PASD1: variants seen among roughly 807,000 people sequenced by gnomAD.
The protein encoded by PASD1 is PAS domain containing repressor 1.
A neutral mutation model predicts 58.8 loss-of-function variants in PASD1; 13 were observed. That is an observed-to-expected ratio of 0.22 (90% CI 0.14 to 0.35). The LOEUF is 0.35. Ranked by LOEUF, PASD1 falls within the 10% of genes least tolerant of loss-of-function variation. The probability of loss-of-function intolerance (pLI) is 1.00; values close to 1 mark genes in which losing one functional copy is unlikely to be tolerated. For synonymous variants in PASD1, 236 were observed against 216.7 expected (o/e 1.09, Z -0.78); for missense variants, 734 against 568.3 (o/e 1.29, Z -2.96).
chrX:151,652,983 T>G (rs1475109080), intron 9 of PASD1, among the ~76,000 whole-genome samples: 7 of 110,018 alleles, frequency 6.4e-5, no homozygotes, highest in Non-Finnish European at 1.3e-4. Context: ...AAGAATGGCA[T>G]GACCTGACTT....
chrX:151,645,009 T>C (rs998888425), intron 8 of PASD1, among the ~76,000 whole-genome samples: 3 of 111,131 alleles, frequency 2.7e-5, no homozygotes, highest in Non-Finnish European at 5.7e-5. Context: ...GCTGCTAGTA[T>C]CTAGTTATCA....
intron 8 of PASD1, among the ~76,000 whole-genome samples, chrX:151,628,299 G>A (rs2124277405): frequency 8.9e-6 from 1 of 111,968 alleles, no homozygotes; most frequent in South Asian, 3.7e-4. Flanking sequence ...GTCCTGAATG[G>A]TATTGTCTAG....
At chrX:151,673,090 G>A in intron 14 of PASD1, 1 of 140,793 alleles carries the variant, frequency 7.1e-6, no homozygotes, top group Non-Finnish European at 1.4e-5. Flanking sequence ...GCCAAGTGCA[G>A]GTATCTCCCT....
At chrX:151,598,370 GT>G (rs1370135442) in intron 1 of PASD1, among the ~76,000 whole-genome samples, 1 of 110,944 alleles carries the variant, frequency 9.0e-6, no homozygotes, top group Non-Finnish European at 1.9e-5. Flanking sequence ...TGGCTTAGCT[GT>G]TTTTTGTGCT....
In PASD1 at chrX:151,671,700, A is replaced by G. The variant is rs2014471773; in HGVS notation, c.1358A>G (p.Lys453Arg). 3 of 1,210,786 alleles carry G rather than the reference A, an allele frequency of 2.5e-6. No homozygotes were observed. Among genetic ancestry groups the G allele is most frequent in the Non-Finnish European group, 3.4e-6 (3 of 894,388 alleles). Residue 453 changes from lysine (K) to arginine (R), a missense_variant, in exon 13 of 16, where the codon AAG becomes AGG. Transcript: ENST00000370357. The stretch of plus-strand genomic sequence containing the variant: ...CCTCTCCCACATCCCAAGGACGTCA[A>G]GTGTTTCTGTGGTTTATCTTTATCC... ...KRPLPHPKDV[K>R]CFCGLSLSNS...
At position 151,672,565 on chromosome X, in the gene PASD1, C is replaced by T; in HGVS notation, c.1820C>T (p.Ala607Val). 8.2e-7 allele frequency: 1 copy of T among 1,212,149 alleles called. No homozygotes were observed. The highest frequency in any genetic ancestry group is 1.1e-6 in the Non-Finnish European group (1 of 895,621). Residue 607 changes from alanine to valine, a missense_variant, in exon 14 of 16, where the codon GCC (alanine) becomes GTC (valine). Coordinates refer to ENST00000370357, the MANE Select transcript of PASD1 (RefSeq NM_173493.3). ...AATCACCCTGTTAGATTTTTACAGG[C>T]CCAACCCATTGTTCCTGTCCAGAGA... ...LCNHPVRFLQ[A>V]QPIVPVQRAA...
intron 3 of PASD1, 142 bp from the exon 4 acceptor site, chrX:151,611,522 T>G: frequency 2.6e-6 from 1 of 387,847 alleles, no homozygotes; most frequent in Admixed American, 5.0e-5. Context: ...GAATTTTAAT[T>G]AAGTCTGTGC....
chrX:151,658,086 C>A (rs761058795), intron 9 of PASD1, among the ~76,000 whole-genome samples: 2 of 111,642 alleles, frequency 1.8e-5, no homozygotes, highest in Non-Finnish European at 3.8e-5. Context: ...TTTACATAAC[C>A]ATCAGGTATT....
intron 8 of PASD1, 131 bp downstream of exon 8, chrX:151,625,661 G>A (rs751650453): frequency 1.1e-5 from 6 of 529,636 alleles, no homozygotes; most frequent in East Asian, 3.6e-5. Context: ...AGAAACAAAC[G>A]GGCCAGGGAT....
At chrX:151,603,844 A>G (rs927160726) in intron 2 of PASD1, among the ~76,000 whole-genome samples, 1 of 112,167 alleles carries the variant, frequency 8.9e-6, no homozygotes, top group African/African-American at 3.2e-5. Context: ...GCCACTGTCA[A>G]CATTATCCTT....
At chrX:151,670,264 G>C (rs2124318080) in intron 11 of PASD1, among the ~76,000 whole-genome samples, 1 of 111,670 alleles carries the variant, frequency 9.0e-6, no homozygotes, top group East Asian at 2.8e-4. Context: ...TTACATCCCT[G>C]ATAAGATCTG....
chrX:151,670,924 G>A, intron 11 of PASD1, 114 bp from the exon 12 acceptor site: 1 of 854,980 alleles, frequency 1.2e-6, no homozygotes, highest in Non-Finnish European at 1.6e-6. Context: ...ATCAGGATTT[G>A]AGAGCTACCA....
intron 1 of PASD1, among the ~76,000 whole-genome samples, chrX:151,581,971 T>C (rs1164732079): frequency 1.1e-5 from 1 of 90,741 alleles, no homozygotes; most frequent in Non-Finnish European, 2.1e-5. Context: ...CTTGAATCTT[T>C]TTTTTTTCTT....
intron 14 of PASD1, 97 bp from the exon 15 acceptor site, chrX:151,673,831 C>G (rs2014508555): frequency 9.3e-7 from 1 of 1,071,016 alleles, no homozygotes; most frequent in Non-Finnish European, 1.3e-6. Flanking sequence ...GCCACCAAAA[C>G]CAAATGTGCC....
intron 11 of PASD1, among the ~76,000 whole-genome samples, chrX:151,670,643 A>G (rs1216513941): frequency 2.7e-5 from 3 of 112,016 alleles, no homozygotes; most frequent in African/African-American, 9.7e-5. Context: ...GAACAAAGGA[A>G]GTGCCAGTTG....
chrX:151,608,348 G>A (rs1325209919), intron 3 of PASD1, among the ~76,000 whole-genome samples: 1 of 111,590 alleles, frequency 9.0e-6, no homozygotes, highest in Non-Finnish European at 1.9e-5. Flanking sequence ...TGAGATGCTT[G>A]TTTCTAGCCT....
At chrX:151,667,905 C>G (rs183866950) in intron 11 of PASD1, among the ~76,000 whole-genome samples, 1 of 111,441 alleles carries the variant, frequency 9.0e-6, no homozygotes, top group African/African-American at 3.3e-5. Context: ...TAGTTTTTTC[C>G]GATTCTGTGA....
At chrX:151,621,337 C>G (rs2013705808) in intron 5 of PASD1, 145 bp from the exon 6 acceptor site, 1 of 470,353 alleles carries the variant, frequency 2.1e-6, no homozygotes, top group African/African-American at 2.5e-5. Context: ...ACATAGCTAG[C>G]TATGTAAGTG....
intron 8 of PASD1, among the ~76,000 whole-genome samples, chrX:151,632,037 C>A (rs1048750362): frequency 9.0e-6 from 1 of 110,728 alleles, no homozygotes; most frequent in Admixed American, 9.7e-5. Context: ...TCCTTATCTT[C>A]GTGGTCATTA....
Sources: allele counts gnomAD v4.1 joint callset (sites outside exome capture counted in the v4.1 genomes callset), GRCh38; gene constraint gnomAD v4.1.1; transcripts MANE v1.5; gene names NCBI Gene and HGNC (gene_info 2026-07-23, HGNC 2026-07-21).